MICU2: variants seen among roughly 807,000 people sequenced by gnomAD.
The protein encoded by MICU2 is calcium uptake protein 2, mitochondrial.
Under a neutral mutation model 60.4 loss-of-function variants are expected in MICU2, and 64 were observed. The ratio of observed to expected loss-of-function variants is 1.06; its 90% CI spans 0.87 to 1.31. The LOEUF (loss-of-function observed/expected upper bound fraction) is 1.31. MICU2 is among the 50% of genes most tolerant of loss of function. The probability of loss-of-function intolerance (pLI) is 0.00; values close to 1 mark genes in which losing one functional copy is unlikely to be tolerated. For missense variants in MICU2, 569 were observed against 531.0 expected, an observed-to-expected ratio of 1.07 and a Z score of -0.70; for synonymous variants, 201 against 175.0, an observed-to-expected ratio of 1.15 and a Z score of -1.17.
intron 4 of MICU2, among the ~76,000 whole-genome samples, chr13:21,528,763 G>A (rs1886917163): frequency 6.6e-6 from 1 of 152,202 alleles, no homozygotes; most frequent in South Asian, 2.1e-4. Flanking sequence ...ATAAAACGTG[G>A]TGAGAAAGAA....
chr13:21,596,912 GT>G (rs1483162621), intron 1 of MICU2, among the ~76,000 whole-genome samples: 2 of 152,166 alleles, frequency 1.3e-5, no homozygotes, highest in Non-Finnish European at 2.9e-5. Context: ...TATTAATATA[GT>G]TGGTTTTTGC....
intron 4 of MICU2, among the ~76,000 whole-genome samples, chr13:21,536,142 C>T (rs1315081287): frequency 6.6e-6 from 1 of 152,042 alleles, no homozygotes; most frequent in African/African-American, 2.4e-5. Context: ...GATAAGTAGA[C>T]AGTTTAGTAT....
intron 2 of MICU2, among the ~76,000 whole-genome samples, chr13:21,556,961 T>C (rs1422120185): frequency 6.6e-6 from 1 of 152,120 alleles, no homozygotes; most frequent in Non-Finnish European, 1.5e-5. Context: ...CTCCCAAAGT[T>C]GACAGCAGGC....
At chr13:21,522,445 G>C (rs1191894424) in intron 5 of MICU2, among the ~76,000 whole-genome samples, 158 bp downstream of exon 5, 1 of 152,150 alleles carries the variant, frequency 6.6e-6, no homozygotes, top group Non-Finnish European at 1.5e-5. Flanking sequence ...GTGACCCAAA[G>C]AGATAACCTA....
At chr13:21,517,281 C>T (rs970418437) in intron 6 of MICU2, among the ~76,000 whole-genome samples, 2 of 152,196 alleles carry the variant, frequency 1.3e-5, no homozygotes, top group Non-Finnish European at 2.9e-5. Flanking sequence ...ACATTTGCTA[C>T]TCAAATCACT....
At chr13:21,594,647 G>T (rs1329953441) in intron 1 of MICU2, among the ~76,000 whole-genome samples, 1 of 152,184 alleles carries the variant, frequency 6.6e-6, no homozygotes, top group Non-Finnish European at 1.5e-5. Context: ...ATCAATGACA[G>T]ATTGAATAAA....
chr13:21,554,484 C>G (rs1200047), intron 2 of MICU2, among the ~76,000 whole-genome samples: 4 of 151,836 alleles, frequency 2.6e-5, no homozygotes, highest in Non-Finnish European at 5.9e-5. Context: ...TTGAAACCAA[C>G]GAGAACAAAG....
chr13:21,521,837 C>T (rs1169663481), intron 5 of MICU2, among the ~76,000 whole-genome samples: 2 of 152,186 alleles, frequency 1.3e-5, no homozygotes, highest in South Asian at 4.1e-4. Flanking sequence ...AGTGCAGTAC[C>T]GTGATCACAG....
intron 4 of MICU2, among the ~76,000 whole-genome samples, chr13:21,525,056 T>C (rs575268850): frequency 7.4e-4 from 113 of 152,318 alleles, no homozygotes; most frequent in Middle Eastern, 3.4e-3. Flanking sequence ...ACCATGTGGT[T>C]ACTGTGAATA....
At chr13:21,585,871 A>G (rs1051349181) in intron 1 of MICU2, among the ~76,000 whole-genome samples, 3 of 152,206 alleles carry the variant, frequency 2.0e-5, no homozygotes, top group African/African-American at 7.2e-5. Context: ...TCAAAATATG[A>G]ATTTAAATAA....
chr13:21,580,373 G>A lies in MICU2; in HGVS notation c.211-13429C>T, dbSNP rs375131392. ...TAAGTTGTTACATACATACTTTTAA[G>A]GGTAGGCATGGACAGAGCTAGCATT... On this transcript the variant is annotated intron_variant, in intron 1 of 11. Coordinates refer to ENST00000382374, the MANE Select transcript of MICU2 (RefSeq NM_152726.3). 1.6e-3 allele frequency among the ~76,000 whole-genome samples: 250 copies of A among 152,300 alleles called. 1 individual carries two copies. The highest frequency in any genetic ancestry group is 5.9e-3 in the African/African-American group (244 of 41,548).
At chr13:21,601,460 T>C (rs1441101138) in intron 1 of MICU2, among the ~76,000 whole-genome samples, 1 of 152,218 alleles carries the variant, frequency 6.6e-6, no homozygotes, top group Non-Finnish European at 1.5e-5. Context: ...ACAGACCTTA[T>C]AAAACGATTG....
At chr13:21,580,634 T>C (rs1204659232) in intron 1 of MICU2, among the ~76,000 whole-genome samples, 2 of 110,358 alleles carry the variant, frequency 1.8e-5, no homozygotes, top group African/African-American at 5.4e-5. Context: ...CTCAAATGAA[T>C]TTTGTCACTT....
In MICU2 at chr13:21,500,417, A is replaced by ATT. The variant is rs10608018; in HGVS notation, c.933+2507_933+2508dup. Among the ~76,000 whole-genome samples, 255 of 124,898 alleles carry ATT rather than the reference A, an allele frequency of 2.0e-3. 8 individuals carry two copies. The highest frequency in any genetic ancestry group is 7.3e-3 in the African/African-American group (239 of 32,934). 81.9% of individuals were successfully genotyped at this position (124,898 alleles called of 152,430 possible). On this transcript the variant is annotated intron_variant, in intron 9 of 11. Coordinates refer to ENST00000382374, the MANE Select transcript of MICU2 (RefSeq NM_152726.3). ...CGTTTAAAGTTCTTGATACCTACTG[A>ATT]TTTTTTTTTTTTTTTTTTTTTTTTT...
At chr13:21,512,911 T>C (rs1886468132) in intron 7 of MICU2, among the ~76,000 whole-genome samples, 1 of 152,058 alleles carries the variant, frequency 6.6e-6, no homozygotes, top group Non-Finnish European at 1.5e-5. Flanking sequence ...GAGACAGGAG[T>C]CCGACTTTAT....
intron 2 of MICU2, among the ~76,000 whole-genome samples, chr13:21,542,106 G>A (rs1051350027): frequency 6.6e-6 from 1 of 151,962 alleles, no homozygotes; most frequent in African/African-American, 2.4e-5. Flanking sequence ...TTTCTCTTCA[G>A]TTAATGCACC....
At chr13:21,565,253 C>T (rs958094078) in intron 2 of MICU2, among the ~76,000 whole-genome samples, 9 of 152,270 alleles carry the variant, frequency 5.9e-5, no homozygotes, top group Admixed American at 1.3e-4. Context: ...CTAGGCTGGG[C>T]GAGGTGGCTC....
At chr13:21,539,506 T>G in intron 3 of MICU2, 129 bp from the exon 4 acceptor site, 1 of 1,294,928 alleles carries the variant, frequency 7.7e-7, no homozygotes. Context: ...CTTCACTGTG[T>G]TAGCCAGGAT....
chr13:21,501,316 GC>G (rs1443257388), intron 9 of MICU2, among the ~76,000 whole-genome samples: 1 of 151,582 alleles, frequency 6.6e-6, no homozygotes, highest in Non-Finnish European at 1.5e-5. Context: ...AGGCTGGAGT[GC>G]AGTGGCGCAA....
Sources: gnomAD v4.1 joint callset for allele counts (sites outside exome capture counted in the v4.1 genomes callset) on GRCh38, gnomAD v4.1.1 for gene constraint, MANE v1.5 for transcripts, NCBI Gene and HGNC (gene_info 2026-07-23, HGNC 2026-07-21) for gene names.